GGT1: variants seen among roughly 807,000 people sequenced by gnomAD.
GGT1 encodes the protein glutathione hydrolase 1 proenzyme.
GGT1 carries 21 observed loss-of-function variants against 56.0 expected under a neutral mutation model. That is an observed-to-expected ratio of 0.38 (90% confidence interval 0.27 to 0.54). The LOEUF (loss-of-function observed/expected upper bound fraction) is 0.54, where lower values mean the gene tolerates loss of function less well. Ranked by LOEUF, GGT1 falls within the 20% of genes least tolerant of loss-of-function variation. The pLI is 0.82. For synonymous variants in GGT1, 238 were observed against 342.6 expected (o/e 0.69, Z 3.37); for missense variants, 466 against 787.0 (o/e 0.59, Z 4.88).
chr22:24,593,573 G>T (rs749412947), upstream of GGT1, among the ~76,000 whole-genome samples: 1 of 152,004 alleles, frequency 6.6e-6, no homozygotes, highest in Non-Finnish European at 1.5e-5. Flanking sequence ...GGAATCTAAG[G>T]TCAGGAGTTC....
At chr22:24,622,551 G>A (rs553564182) in intron 9 of GGT1, among the ~76,000 whole-genome samples, 8 of 151,792 alleles carry the variant, frequency 5.3e-5, no homozygotes, top group Middle Eastern at 3.4e-3. Context: ...GCGATAGAGC[G>A]AGACTCCGTC....
chr22:24,612,936 C>T (rs2046813798), intron 5 of GGT1, among the ~76,000 whole-genome samples: 1 of 152,154 alleles, frequency 6.6e-6, no homozygotes, highest in South Asian at 2.1e-4. Flanking sequence ...AGTGATCTTC[C>T]CGCCTCAGCT....
chr22:24,603,458 G>A lies in GGT1; in HGVS notation c.-498G>A, dbSNP rs1291045351. On this transcript the variant is annotated 5_prime_UTR_variant, in exon 1 of 16. Transcript: ENST00000400382. ...CCTCGGTTTATGTACCCGTGCAGTG[G>A]GAGTGAGTTGCACTTCGGGGTGAAG... The A allele has an allele frequency of 1.3e-5, 2 of 152,348 alleles. No individual in the cohort carries two copies. The highest frequency in any genetic ancestry group is 4.8e-5 in the African/African-American group (2 of 41,460). 9.4% of individuals were successfully genotyped at this position (152,348 alleles called of 1,614,324 possible).
intron 6 of GGT1, 58 bp from the exon 7 acceptor site, chr22:24,614,983 G>A: frequency 1.3e-6 from 2 of 1,498,352 alleles, no homozygotes; most frequent in South Asian, 2.3e-5. Flanking sequence ...CGGTCCCCAG[G>A]CTCACGTGGC....
the GGT1 span, chr22:24,588,229 C>T: frequency 2.5e-6 from 4 of 1,612,928 alleles, no homozygotes; most frequent in South Asian, 2.2e-5. Context: ...CTGGGTCTTC[C>T]TCTGGCGCAG....
chr22:24,585,218 C>T, the GGT1 span, among the ~76,000 whole-genome samples: 1,088 of 152,306 alleles, frequency 7.1e-3, 9 homozygotes, highest in Non-Finnish European at 9.6e-3. Context: ...CTCACTTAGT[C>T]GGCTGTGGCC....
At chr22:24,626,303 C>T (rs1361837165) in intron 11 of GGT1, among the ~76,000 whole-genome samples, 12 of 139,876 alleles carry the variant, frequency 8.6e-5, no homozygotes, top group Admixed American at 1.5e-4. Flanking sequence ...CGTGAGCCAC[C>T]GCGCCCGGTG....
chr22:24,624,681 G>A (rs78352719), intron 11 of GGT1: 25 of 983,368 alleles, frequency 2.5e-5, no homozygotes, highest in South Asian at 9.4e-5. Context: ...TCGCTGGCTC[G>A]GGGTGCTGTT....
chr22:24,587,856 G>A, the GGT1 span, among the ~76,000 whole-genome samples: 17 of 151,978 alleles, frequency 1.1e-4, no homozygotes, highest in African/African-American at 2.4e-4. Context: ...TGCCTCCCCC[G>A]CAACCTGTTG....
rs1439678127 is a variant in GGT1 at position 24,620,025 on chromosome 22, A to AG, written c.383-303_383-302insG. 2.3e-5 allele frequency among the ~76,000 whole-genome samples: 3 copies of AG among 128,034 alleles called. No individual in the cohort carries two copies. The highest frequency in any genetic ancestry group is 5.0e-5 in the Non-Finnish European group (3 of 59,784). The allele number at this position is 128,034 out of a possible 152,430, so 84.0% of individuals were successfully genotyped here. A position where few individuals can be genotyped will look rare whatever the true frequency, so the allele number is the denominator to read the frequency against. ...ATTAAACATCCCCTCCTAAAAAAAA[A>AG]CAATTAAAATTAAAAAATAAATTTA... is the stretch of plus-strand genomic sequence containing the variant. On this transcript the variant is annotated intron_variant, in intron 7 of 15. Coordinates refer to ENST00000400382, the MANE Select transcript of GGT1 (RefSeq NM_001288833.2). The surrounding 1 kb of genome is among the most constrained non-coding windows in gnomAD (Gnocchi z 5.6).
At chr22:24,594,038 C>T (rs942317098), upstream of GGT1, among the ~76,000 whole-genome samples, 3 of 152,174 alleles carry the variant, frequency 2.0e-5, no homozygotes, top group African/African-American at 7.2e-5. Context: ...AGTCTGCCTC[C>T]CTGACAAGGG....
intron 1 of GGT1, among the ~76,000 whole-genome samples, chr22:24,606,406 G>C (rs1325628942): frequency 6.6e-6 from 1 of 152,078 alleles, no homozygotes; most frequent in Non-Finnish European, 1.5e-5. Context: ...CTCTCAGGCA[G>C]AGAGGAAACT....
At chr22:24,592,388 TGGGTCCTCTCTCCA>T (rs1326557043), upstream of GGT1, 1 of 470,820 alleles carries the variant, frequency 2.1e-6, no homozygotes, top group South Asian at 1.5e-5. Flanking sequence ...AGACCAGCCC[TGGGTCCTCTCTCCA>T]GGGTCCACTG....
At position 24,611,090 on chromosome 22, in the gene GGT1, G is replaced by A; in HGVS notation, c.9G>A (p.Lys3=). The part of the protein sequence containing the change: MK[K]KLVVLGLLAV... ...GTGGGTGCAGCAGAGCCATGAAGAA[G>A]AAGTTAGTGGTGCTGGGCCTGCTGG... The change falls in exon 5 of 16, where the codon AAG becomes AAA. Residue 3 remains lysine (K), a synonymous_variant. Coordinates refer to ENST00000400382, the MANE Select transcript of GGT1 (RefSeq NM_001288833.2). The A allele has an allele frequency of 6.2e-7, 1 of 1,603,346 alleles. No homozygotes were observed. The highest frequency in any genetic ancestry group is 8.5e-7 in the Non-Finnish European group (1 of 1,175,498).
chr22:24,599,162 T>C (rs2045742365), upstream of GGT1: 1 of 152,078 alleles, frequency 6.6e-6, no homozygotes, highest in Non-Finnish European at 1.5e-5. Context: ...CAGTGAAGAT[T>C]GTTGGGCACT....
chr22:24,612,762 G>T (rs538560004), intron 5 of GGT1, among the ~76,000 whole-genome samples: 2 of 152,206 alleles, frequency 1.3e-5, no homozygotes, highest in Non-Finnish European at 2.9e-5. Context: ...CCTGACCTCA[G>T]GTGATCCGCC....
chr22:24,598,941 TAAG>T (rs1019553655), upstream of GGT1, among the ~76,000 whole-genome samples: 173 of 152,088 alleles, frequency 1.1e-3, 2 homozygotes, highest in Admixed American at 0.011. Flanking sequence ...AAAAATTAAT[TAAG>T]AAATTAAAGA....
chr22:24,602,339 G>T (rs1280797863), upstream of GGT1, among the ~76,000 whole-genome samples: 3 of 152,328 alleles, frequency 2.0e-5, no homozygotes, highest in East Asian at 5.8e-4. Flanking sequence ...GCCCAGCCAG[G>T]TCAGGGCTCC....
intron 7 of GGT1, among the ~76,000 whole-genome samples, chr22:24,617,320 G>A (rs994335687): frequency 1.3e-5 from 2 of 152,186 alleles, no homozygotes; most frequent in Admixed American, 1.3e-4. Context: ...CCCAGGTTGT[G>A]TGGGATCTCT....
Sources: allele counts gnomAD v4.1 joint callset (sites outside exome capture counted in the v4.1 genomes callset), GRCh38; gene constraint gnomAD v4.1.1; non-coding constraint Gnocchi (gnomAD v3.1); transcripts MANE v1.5; gene names NCBI Gene and HGNC (gene_info 2026-07-23, HGNC 2026-07-21).